The following ABTB1 variants were observed in gnomAD, a reference collection of about 807,000 sequenced individuals.
The protein encoded by ABTB1 is ankyrin repeat and BTB/POZ domain-containing protein 1.
In ABTB1, 45 loss-of-function variants were observed where a neutral mutation model predicts 57.1. That is an observed-to-expected ratio of 0.79 (90% confidence interval 0.62 to 1.01). The LOEUF is 1.01. Ranked by LOEUF, ABTB1 falls within the 50% of genes least tolerant of loss-of-function variation. ABTB1 has a pLI of 0.00. For missense variants in ABTB1, 630 were observed against 666.3 expected, an observed-to-expected ratio of 0.95 and a Z score of 0.60; for synonymous variants, 302 against 275.4, an observed-to-expected ratio of 1.10 and a Z score of -0.95.
intron 10 of ABTB1, chr3:127,679,557 C>G (rs1228644074): frequency 2.2e-6 from 1 of 460,500 alleles, no homozygotes; most frequent in Non-Finnish European, 4.4e-6. Context: ...CTGCCTCTGT[C>G]CCACCATTCT....
At chr3:127,675,304 G>C (rs943377462) in intron 3 of ABTB1, among the ~76,000 whole-genome samples, 2 of 114,310 alleles carry the variant, frequency 1.7e-5, no homozygotes, top group East Asian at 5.1e-4. Flanking sequence ...GTCTTGCTCT[G>C]TCACCCAGGC....
At chr3:127,675,551 T>G in intron 3 of ABTB1, 4 of 197,526 alleles carry the variant, frequency 2.0e-5, no homozygotes, top group Non-Finnish European at 4.3e-5. Context: ...AGTGCCTGGA[T>G]TATAGGTGTG....
At chr3:127,677,921 G>C (rs927664816) in intron 10 of ABTB1, 78 bp downstream of exon 10, 9 of 1,533,318 alleles carry the variant, frequency 5.9e-6, no homozygotes, top group African/African-American at 5.5e-5. Flanking sequence ...GGGCCCTGGG[G>C]GTCTGTGGAA....
rs2074932427 is a variant in ABTB1 at position 127,674,557 on chromosome 3, CT to C, written c.134del (p.Leu45CysfsTer33). 22 of 1,614,196 alleles carry C rather than the reference CT, an allele frequency of 1.4e-5. No individual in the cohort carries two copies. The highest frequency in any genetic ancestry group is 1.8e-5 in the Non-Finnish European group (21 of 1,180,024). On this transcript the variant is annotated frameshift_variant, in exon 3 of 12. Transcript: ENST00000232744. LOFTEE classifies it high-confidence loss of function. ...TTCCTCCCTTCAGGTACTATGCCTG[CT>C]TGTGTGGGCACGAGGAGCTGGTACT... ...WDSTPLYYAC[L>X]CGHEELVLYL...
rs758735852 is a variant in ABTB1, at chr3:127,677,168, T to C, written c.644T>C (p.Val215Ala). ...CCCTGAAGTTGTTCTTCCCCTGTAGTGGCGTCTAAGCCAGGCACGTGTGTG... is the reference window on the plus strand; with the variant it reads ...CCCTGAAGTTGTTCTTCCCCTGTAGCGGCGTCTAAGCCAGGCACGTGTGTG... Reference protein sequence around the residue: ...EAKCEKVSEFVASKPGTCVKV... With the variant: ...EAKCEKVSEFAASKPGTCVKV... The change falls in exon 8 of 12, where the codon GTG (valine) becomes GCG (alanine). Residue 215 changes from valine to alanine, a missense_variant and splice_region_variant. Coordinates refer to ENST00000232744, the MANE Select transcript of ABTB1 (RefSeq NM_172027.3). The C allele has an allele frequency of 1.2e-6, 2 of 1,613,410 alleles. No homozygotes were observed. The highest frequency in any genetic ancestry group is 1.1e-5 in the South Asian group (1 of 91,040).
At chr3:127,674,119 G>C (rs2074918462) in intron 1 of ABTB1, 1 of 504,524 alleles carries the variant, frequency 2.0e-6, no homozygotes, top group South Asian at 2.0e-5. Flanking sequence ...CAAAGGTCCA[G>C]CCTCGGCACT....
At position 127,676,671 on chromosome 3, in the gene ABTB1, C is replaced by T; in HGVS notation, c.526+90C>T. The stretch of plus-strand genomic sequence containing the variant: ...TAGGTGTGGCTGGGCTGACCTTTCA[C>T]CTCTAGACACTTCATGGTCCCCCCG... On this transcript the variant is annotated intron_variant, in intron 6 of 11. Transcript: ENST00000232744. This position sits in a 1 kb window ranked among gnomAD's most constrained non-coding sequence, Gnocchi z 5.4. 1.3e-6 allele frequency: 2 copies of T among 1,517,094 alleles called. No homozygotes were observed. The highest frequency in any genetic ancestry group is 1.8e-6 in the Non-Finnish European group (2 of 1,098,386). The allele number at this position is 1,517,094 out of a possible 1,614,324, so 94.0% of individuals were successfully genotyped here.
intron 1 of ABTB1, chr3:127,673,396 C>T (rs1333611045): frequency 2.7e-5 from 6 of 221,780 alleles, no homozygotes; most frequent in South Asian, 1.5e-4. Flanking sequence ...AGGGCCCGGA[C>T]GTCAGACCCC....
intron 10 of ABTB1, chr3:127,679,528 C>T (rs1374626144): frequency 2.6e-5 from 12 of 457,864 alleles, no homozygotes; most frequent in Non-Finnish European, 4.8e-5. Context: ...GGCAGAGTCC[C>T]TGCATAGGTC....
At chr3:127,673,391 C>G (rs1033062195) in intron 1 of ABTB1, 1 of 230,480 alleles carries the variant, frequency 4.3e-6, no homozygotes, top group African/African-American at 2.3e-5. Context: ...CTGGTAGGGC[C>G]CGGACGTCAG....
Position 127,676,450 on chromosome 3 carries a change from G to A in ABTB1, c.480+19G>A. The A allele has an allele frequency of 6.2e-7, 1 of 1,614,040 alleles. No individual in the cohort carries two copies. The highest frequency in any genetic ancestry group is 8.5e-7 in the Non-Finnish European group (1 of 1,179,944). On this transcript the variant is annotated intron_variant, in intron 5 of 11. Coordinates refer to ENST00000232744, the MANE Select transcript of ABTB1 (RefSeq NM_172027.3). This position sits in a 1 kb window ranked among gnomAD's most constrained non-coding sequence, Gnocchi z 5.4. ...CCCACTGGTATGTCCCTTCAGGGTG[G>A]CAGAGGGGCATGAACTGTCCAGGAA... is the stretch of plus-strand genomic sequence containing the variant.
At chr3:127,679,452 T>G (rs2075070716) in intron 10 of ABTB1, 1 of 452,156 alleles carries the variant, frequency 2.2e-6, no homozygotes, top group Admixed American at 2.4e-5. Flanking sequence ...GATGTATCTG[T>G]AGGTGGGCTC....
At position 127,680,302 on chromosome 3, in the gene ABTB1, A is replaced by G. The variant is rs1241910565; in HGVS notation, c.1264A>G (p.Lys422Glu). The stretch of plus-strand genomic sequence containing the variant: ...GCGGGAGGACTTCGTGGAGGCGGTG[A>G]AGGAGGAGGCAGCGGCTGTGGCAGC... ...VEREDFVEAVKEEAAAVAARQ... is the reference protein window; with the variant it reads ...VEREDFVEAVEEEAAAVAARQ... Residue 422 changes from lysine to glutamate, a missense_variant, in exon 12 of 12, where the codon AAG becomes GAG. By Grantham distance (56) the Lys-to-Glu change is moderately conservative (BLOSUM62 1). Transcript: ENST00000232744. The G allele has an allele frequency of 6.2e-7, 1 of 1,613,070 alleles. No homozygotes were observed. Among genetic ancestry groups the G allele is most frequent in the East Asian group, 2.2e-5 (1 of 44,846 alleles).
rs758639493 is a variant in ABTB1 at position 127,677,084 on chromosome 3, G to A, written c.643+1G>A. The A allele has an allele frequency of 1.9e-6, 3 of 1,614,074 alleles. No homozygotes were observed. The highest frequency in any genetic ancestry group is 1.1e-5 in the South Asian group (1 of 91,080). On this transcript the variant is annotated splice_donor_variant, in intron 7 of 11. Coordinates refer to ENST00000232744, the MANE Select transcript of ABTB1 (RefSeq NM_172027.3). LOFTEE classifies it high-confidence loss of function. ...AAGTGCGAGAAGGTGTCTGAGTTTG[G>A]TGCGAGCAGGGTTTGGGGCCCGGGG...
intron 1 of ABTB1, 140 bp from the exon 2 acceptor site, chr3:127,674,251 G>C: frequency 9.1e-7 from 1 of 1,102,664 alleles, no homozygotes; most frequent in East Asian, 2.6e-5. Context: ...CTCCTGCTCT[G>C]GTCTGCCTGT....
intron 8 of ABTB1, 28 bp downstream of exon 8, chr3:127,677,314 G>C: frequency 6.3e-7 from 1 of 1,580,116 alleles, no homozygotes; most frequent in Non-Finnish European, 8.6e-7. Flanking sequence ...GGGCAGGAAG[G>C]GCGTTTTGGG....
At chr3:127,674,492 G>A in intron 2 of ABTB1, 39 bp downstream of exon 2, 1 of 1,613,074 alleles carries the variant, frequency 6.2e-7, no homozygotes, top group East Asian at 2.2e-5. Flanking sequence ...GTGGGGGTTG[G>A]TGCACCCCTT....
intron 10 of ABTB1, chr3:127,678,606 G>C (rs1328328495): frequency 6.6e-6 from 1 of 152,262 alleles, no homozygotes; most frequent in Non-Finnish European, 1.5e-5. Flanking sequence ...AGTGGGTGAG[G>C]CTGCATTCCA....
In ABTB1 at chr3:127,680,492, C is replaced by A; in HGVS notation, c.*17C>A. On this transcript the variant is annotated 3_prime_UTR_variant, in exon 12 of 12. Transcript: ENST00000232744. Reference sequence around the variant, plus strand: ...GACTGTTGAGCCCCTGGCTGGGCAGCCCCAGGGGCCAGGAGCTCTCTTGGA... The same window carrying A: ...GACTGTTGAGCCCCTGGCTGGGCAGACCCAGGGGCCAGGAGCTCTCTTGGA... 2 of 1,596,526 alleles carry A rather than the reference C, an allele frequency of 1.3e-6. No homozygotes were observed. The highest frequency in any genetic ancestry group is 1.1e-5 in the South Asian group (1 of 90,018).
Sources: allele counts gnomAD v4.1 joint callset (sites outside exome capture counted in the v4.1 genomes callset), GRCh38; gene constraint gnomAD v4.1.1; non-coding constraint Gnocchi (gnomAD v3.1); transcripts MANE v1.5; gene names NCBI Gene and HGNC (gene_info 2026-07-23, HGNC 2026-07-21).